Variants in PTGER3 observed in about 807,000 individuals in gnomAD.
PTGER3 encodes prostaglandin E2 receptor EP3 subtype.
Under a neutral mutation model 34.7 loss-of-function variants are expected in PTGER3, and 22 were observed. That is an observed-to-expected ratio of 0.63 (90% CI 0.45 to 0.91). The LOEUF is 0.91. Among genes scored for constraint, PTGER3 ranks in the 40% least tolerant of loss-of-function variants. PTGER3 has a pLI of 0.00. For missense variants in PTGER3, 468 were observed against 519.4 expected (o/e 0.90, Z 0.96); for synonymous variants, 241 against 230.1 (o/e 1.05, Z -0.43).
rs137935565 is a variant in PTGER3 at position 70,974,310 on chromosome 1, C to T, written c.1156G>A (p.Asp386Asn). The part of the protein sequence containing the change: ...CQCSSTLMWS[D>N]HLER Reference sequence around the variant, plus strand: ...TCTAAATCTCACCTTTCCAAATGGTCGCTCCACATCAAGGTTGAGGAACAC... The same window carrying T: ...TCTAAATCTCACCTTTCCAAATGGTTGCTCCACATCAAGGTTGAGGAACAC... The change falls in exon 3 of 4, where the codon GAC (aspartate) becomes AAC (asparagine). Residue 386 changes from aspartate to asparagine, a missense_variant. Asp to Asn is a conservative substitution (Grantham distance 23). This residue lies in a region of PTGER3 where 57 missense variants were observed against 43.8 expected (regional missense o/e 1.30). Transcript: ENST00000306666. 8.8e-6 allele frequency: 14 copies of T among 1,593,188 alleles called. No individual in the cohort carries two copies. Among genetic ancestry groups the T allele is most frequent in the South Asian group, 3.3e-5 (3 of 90,576 alleles).
chr1:70,974,609 T>A (rs978547153), intron 2 of PTGER3, among the ~76,000 whole-genome samples: 2 of 152,136 alleles, frequency 1.3e-5, no homozygotes, highest in African/African-American at 4.8e-5. Flanking sequence ...AGACCATGTC[T>A]GATATGACTG....
At chr1:71,036,044 T>G (rs1490069362) in intron 1 of PTGER3, among the ~76,000 whole-genome samples, 1 of 152,266 alleles carries the variant, frequency 6.6e-6, no homozygotes, top group African/African-American at 2.4e-5. Flanking sequence ...CCATCTGCAC[T>G]TCTCTGGTCA....
rs1660967064 is a variant in PTGER3 at position 71,047,507 on chromosome 1, A to G, written c.71T>C (p.Met24Thr). ...CTRLNHSYTG[M>T]WAPERSAEAR... is the part of the protein sequence containing the mutation. ...CTCGGCGGAACGCTCGGGCGCCCAC[A>G]TGCCTGTGTAGGAGTGGTTGAGGCG... The change falls in exon 1 of 4, where the codon ATG becomes ACG. Residue 24 changes from methionine (M) to threonine (T), a missense_variant. Met to Thr is a moderately conservative substitution (Grantham distance 81). Coordinates refer to ENST00000306666, the MANE Select transcript of PTGER3 (RefSeq NM_198719.2). 1.9e-6 allele frequency: 3 copies of G among 1,602,932 alleles called. No individual in the cohort carries two copies. In the East Asian group the frequency reaches 6.8e-5, roughly 36 times the overall value.
At position 70,878,805 on chromosome 1, in the gene PTGER3, A is replaced by ATATTTT. The variant is rs1313309785; in HGVS notation, c.*24-25952_*24-25947dup. Among the ~76,000 whole-genome samples, 10 of 152,172 alleles carry ATATTTT rather than the reference A, an allele frequency of 6.6e-5. No individual in the cohort carries two copies. The East Asian group carries it at 1.9e-3, about 29-fold the overall frequency. On this transcript the variant is annotated intron_variant, in intron 4 of 4. Transcript: ENST00000370931. The stretch of plus-strand genomic sequence containing the variant: ...TGAGTGATTTTCTTAGTATTGATTT[A>ATATTTT]TATTTTTATTGTGCTGTAGTCCGTG...
chr1:71,045,971 T>C (rs1307211036), intron 1 of PTGER3, among the ~76,000 whole-genome samples: 1 of 151,178 alleles, frequency 6.6e-6, no homozygotes, highest in African/African-American at 2.4e-5. Flanking sequence ...GAAAATCTTA[T>C]TAACGTGAAA....
intron 4 of PTGER3, among the ~76,000 whole-genome samples, chr1:70,856,485 T>A (rs1489527459): frequency 2.1e-5 from 3 of 145,424 alleles, no homozygotes; most frequent in Non-Finnish European, 4.5e-5. Context: ...AACATCAGCA[T>A]CAAAACAGAG....
chr1:70,911,322 C>T (rs904353602), intron 4 of PTGER3, among the ~76,000 whole-genome samples: 2 of 151,640 alleles, frequency 1.3e-5, no homozygotes, highest in Non-Finnish European at 2.9e-5. Context: ...TGTCTCCCCC[C>T]ACAGTTACAG....
At chr1:70,977,507 C>T (rs1352512165) in intron 2 of PTGER3, among the ~76,000 whole-genome samples, 1 of 152,048 alleles carries the variant, frequency 6.6e-6, no homozygotes, top group Non-Finnish European at 1.5e-5. Flanking sequence ...CTGCTTGATC[C>T]TGAATAACTG....
chr1:70,929,276 G>A (rs1303466611), intron 4 of PTGER3, among the ~76,000 whole-genome samples: 1 of 152,144 alleles, frequency 6.6e-6, no homozygotes, highest in Non-Finnish European at 1.5e-5. Flanking sequence ...TAAAAACTGT[G>A]GAGTTCTTGT....
chr1:70,906,897 A>G (rs1417973819), intron 4 of PTGER3, among the ~76,000 whole-genome samples: 1 of 152,238 alleles, frequency 6.6e-6, no homozygotes, highest in African/African-American at 2.4e-5. Context: ...TGCAGATGTT[A>G]ACAAATGCAA....
chr1:70,978,006 A>G (rs1278622333), intron 2 of PTGER3, among the ~76,000 whole-genome samples: 2 of 152,116 alleles, frequency 1.3e-5, no homozygotes, highest in East Asian at 3.9e-4. Flanking sequence ...ATTATTTGTA[A>G]TCGGTACTCT....
In PTGER3 at chr1:70,974,585, C is replaced by T. The variant is rs149165495; in HGVS notation, c.1078-197G>A. On this transcript the variant is annotated intron_variant, in intron 2 of 3. Coordinates refer to ENST00000306666, the MANE Select transcript of PTGER3 (RefSeq NM_198719.2). The stretch of plus-strand genomic sequence containing the variant: ...TCCTCCTACACTTACGCATCAAATA[C>T]GACTTGCAGGCAGAGACCATGTCTG... Among the ~76,000 whole-genome samples, 941 of 152,242 alleles carry T rather than the reference C, an allele frequency of 6.2e-3. 27 individuals are homozygous for T. Among genetic ancestry groups the T allele is most frequent in the Admixed American group, 0.054 (818 of 15,284 alleles).
chr1:70,911,162 C>T (rs1359500495), intron 4 of PTGER3, among the ~76,000 whole-genome samples: 1 of 151,448 alleles, frequency 6.6e-6, no homozygotes, highest in East Asian at 1.9e-4. Flanking sequence ...ATTTATCATT[C>T]TAGATTGAGA....
intron 2 of PTGER3, among the ~76,000 whole-genome samples, chr1:70,965,778 TG>T (rs1470511475): frequency 6.6e-6 from 1 of 152,178 alleles, no homozygotes; most frequent in Non-Finnish European, 1.5e-5. Context: ...TGCTTTATCC[TG>T]TATTTTTCAT....
At chr1:71,023,307 T>G (rs2284361) in intron 1 of PTGER3, among the ~76,000 whole-genome samples, 1 of 151,730 alleles carries the variant, frequency 6.6e-6, no homozygotes, top group Non-Finnish European at 1.5e-5. Context: ...AATATTCGAG[T>G]CACCATTTGT....
intron 1 of PTGER3, among the ~76,000 whole-genome samples, chr1:71,020,428 T>C (rs2421732): frequency 0.9 from 136,576 of 152,174 alleles, 61,316 homozygotes; most frequent in East Asian, 0.96. Context: ...ATTAAATTTA[T>C]TAGTAAGCAG....
At chr1:70,943,327 A>C (rs1011235773) in intron 4 of PTGER3, among the ~76,000 whole-genome samples, 1 of 152,192 alleles carries the variant, frequency 6.6e-6, no homozygotes, top group Non-Finnish European at 1.5e-5. Flanking sequence ...CTTTCTTTAC[A>C]TATATGGCCA....
chr1:71,045,046 G>A (rs1422778135), intron 1 of PTGER3, among the ~76,000 whole-genome samples: 1 of 152,102 alleles, frequency 6.6e-6, no homozygotes, highest in African/African-American at 2.4e-5. Flanking sequence ...TAAAACTGGT[G>A]CTGGTTTTGA....
chr1:70,943,370 C>T (rs370582056), intron 4 of PTGER3, among the ~76,000 whole-genome samples: 9 of 152,034 alleles, frequency 5.9e-5, no homozygotes, highest in Non-Finnish European at 7.4e-5. Context: ...TTTTGATACA[C>T]GATTTCATCA....
Sources: allele counts gnomAD v4.1 joint callset (sites outside exome capture counted in the v4.1 genomes callset), GRCh38; gene constraint gnomAD v4.1.1; regional missense constraint gnomAD v4.1.1; transcripts MANE v1.5; gene names NCBI Gene and HGNC (gene_info 2026-07-23, HGNC 2026-07-21).